Variants in KAT6B observed in about 807,000 individuals in gnomAD.
KAT6B encodes the protein histone acetyltransferase KAT6B.
In KAT6B, 10 loss-of-function variants were observed where a neutral mutation model predicts 187.5. The ratio of observed to expected loss-of-function variants is 0.05; its 90% confidence interval spans 0.03 to 0.09. The LOEUF is 0.09. Among genes scored for constraint, KAT6B ranks in the 10% least tolerant of loss-of-function variants. The pLI is 1.00. For synonymous variants in KAT6B, 861 were observed against 926.8 expected, an observed-to-expected ratio of 0.93 and a Z score of 1.29; for missense variants, 1,952 against 2,558.9, an observed-to-expected ratio of 0.76 and a Z score of 5.12.
chr10:74,900,474 GA>G (rs1416938351), intron 3 of KAT6B, among the ~76,000 whole-genome samples: 3 of 152,268 alleles, frequency 2.0e-5, no homozygotes, highest in African/African-American at 7.2e-5. Context: ...TTGGGGGTGG[GA>G]AAATGGCTGC....
At chr10:74,841,533 C>T (rs1353327779) in intron 2 of KAT6B, among the ~76,000 whole-genome samples, 1 of 151,846 alleles carries the variant, frequency 6.6e-6, no homozygotes, top group African/African-American at 2.4e-5. Flanking sequence ...CTATTGCACT[C>T]CAGCCTGGGT....
At chr10:74,935,824 G>A (rs1317888833) in intron 3 of KAT6B, among the ~76,000 whole-genome samples, 1 of 152,204 alleles carries the variant, frequency 6.6e-6, no homozygotes, top group Admixed American at 6.5e-5. Flanking sequence ...ATTAGGGTGA[G>A]AGATTTTCCT....
At chr10:75,013,099 G>C (rs1206988230) in intron 13 of KAT6B, among the ~76,000 whole-genome samples, 1 of 152,140 alleles carries the variant, frequency 6.6e-6, no homozygotes, top group East Asian at 1.9e-4. Context: ...TCCATGCTCA[G>C]GGTTTCACTG....
At chr10:74,878,577 G>A (rs1417983361) in intron 3 of KAT6B, among the ~76,000 whole-genome samples, 1 of 146,578 alleles carries the variant, frequency 6.8e-6, no homozygotes, top group African/African-American at 2.6e-5. Context: ...CCAAGATGGT[G>A]CCGCTGCACT....
intron 3 of KAT6B, among the ~76,000 whole-genome samples, chr10:74,849,775 G>A (rs1016109696): frequency 2.6e-5 from 4 of 152,162 alleles, no homozygotes; most frequent in Admixed American, 1.3e-4. Flanking sequence ...TGCAAGGGAG[G>A]TAGATTATTA....
chr10:75,005,041 AT>A (rs1844110390), intron 13 of KAT6B, among the ~76,000 whole-genome samples: 1 of 151,902 alleles, frequency 6.6e-6, no homozygotes, highest in Admixed American at 6.6e-5. Context: ...ATCAAGAAAG[AT>A]TTTGCTCTGC....
In KAT6B at chr10:74,910,230, G is replaced by A. The variant is rs1003414308; in HGVS notation, c.622-49740G>A. ...GGAGAGTCGCTTGAACCCAGGAGGCGGAGGTTGCGGTGAGCCAAGATCGTG... is the reference window on the plus strand; with the variant it reads ...GGAGAGTCGCTTGAACCCAGGAGGCAGAGGTTGCGGTGAGCCAAGATCGTG... On this transcript the variant is annotated intron_variant, in intron 3 of 17. Coordinates refer to ENST00000287239, the MANE Select transcript of KAT6B (RefSeq NM_012330.4). Among the ~76,000 whole-genome samples the A allele has an allele frequency of 9.9e-5, 15 of 152,206 alleles. 1 individual carries two copies. The highest frequency in any genetic ancestry group is 6.8e-3 in the Middle Eastern group (2 of 294).
At chr10:74,858,022 CTTAA>C (rs1236467535) in intron 3 of KAT6B, among the ~76,000 whole-genome samples, 1 of 150,906 alleles carries the variant, frequency 6.6e-6, no homozygotes, top group Non-Finnish European at 1.5e-5. Flanking sequence ...GACTCTATTT[CTTAA>C]TTAAAAAAAA....
At chr10:75,026,599 G>A (rs541803776) in intron 17 of KAT6B, among the ~76,000 whole-genome samples, 3 of 151,452 alleles carry the variant, frequency 2.0e-5, no homozygotes, top group African/African-American at 7.3e-5. Context: ...CTTACCCTGG[G>A]TATAGAGAAA....
At chr10:74,958,154 TGTTGTCCCAAGGAACTAAGGCATTTGTTG>T (rs539594736) in intron 3 of KAT6B, among the ~76,000 whole-genome samples, 45 of 152,342 alleles carry the variant, frequency 3.0e-4, no homozygotes, top group Middle Eastern at 3.4e-3. Context: ...TTTGATGACA[TGTTGTCCCAAGGAACTAAGGCATTTGTTG>T]GAATCATTAT....
At chr10:74,926,871 AC>A (rs953062188) in intron 3 of KAT6B, among the ~76,000 whole-genome samples, 37 of 152,246 alleles carry the variant, frequency 2.4e-4, no homozygotes, top group African/African-American at 8.4e-4. Flanking sequence ...TGAAGGAGTG[AC>A]CTCCAATCAA....
intron 1 of KAT6B, among the ~76,000 whole-genome samples, chr10:74,830,750 A>ATATATATATATATATGTG (rs1554912264): frequency 4.8e-5 from 1 of 20,738 alleles, no homozygotes; most frequent in South Asian, 2.0e-3. Flanking sequence ...ATATATATAT[A>ATATATATATATATATGTG]TATATATATA....
At chr10:74,946,540 C>T (rs1405262088) in intron 3 of KAT6B, among the ~76,000 whole-genome samples, 1 of 152,114 alleles carries the variant, frequency 6.6e-6, no homozygotes, top group Non-Finnish European at 1.5e-5. Flanking sequence ...TAAAATACTA[C>T]TCAGTGATAA....
intron 13 of KAT6B, among the ~76,000 whole-genome samples, chr10:74,997,430 A>T (rs535759999): frequency 6.6e-6 from 1 of 152,168 alleles, no homozygotes; most frequent in Admixed American, 6.5e-5. Flanking sequence ...CCTCACGGCA[A>T]CAGTTGAGAT....
rs554854103 is a variant in KAT6B at position 74,874,102 on chromosome 10, C to T, written c.621+30624C>T. ...GGGTAAGTAATGTTTCATGAAACTT[C>T]TATTTTAGTTTAATATTCACATATG... On this transcript the variant is annotated intron_variant, in intron 3 of 17. Transcript: ENST00000287239. Among the ~76,000 whole-genome samples, 113 of 151,800 alleles carry T rather than the reference C, an allele frequency of 7.4e-4. 2 individuals are homozygous for T. The highest frequency in any genetic ancestry group is 1.5e-3 in the Admixed American group (23 of 15,242).
chr10:74,977,379 A>C lies in KAT6B; in HGVS notation c.2057A>C (p.Asp686Ala). ...GATGTAAATGTGATTGGAAACAAGG[A>C]TGTCGTTACTGAAGAGGATTTGGAT... Reference protein sequence around the residue: ...SADVNVIGNKDVVTEEDLDVF... With the variant: ...SADVNVIGNKAVVTEEDLDVF... The change falls in exon 9 of 18, where the codon GAT becomes GCT. Residue 686 changes from aspartate (D) to alanine (A), a missense_variant. By Grantham distance (126) the Asp-to-Ala change is moderately radical. This residue lies in a region of KAT6B where 417 missense variants were observed against 508.9 expected (regional missense o/e 0.82). Coordinates refer to ENST00000287239, the MANE Select transcript of KAT6B (RefSeq NM_012330.4). 1 of 1,613,952 alleles carries C rather than the reference A, an allele frequency of 6.2e-7. No individual in the cohort carries two copies. Among genetic ancestry groups the C allele is most frequent in the Non-Finnish European group, 8.5e-7 (1 of 1,179,864 alleles).
intron 3 of KAT6B, among the ~76,000 whole-genome samples, chr10:74,925,322 G>A (rs1355641918): frequency 2.0e-5 from 3 of 152,134 alleles, no homozygotes; most frequent in African/African-American, 7.2e-5. Flanking sequence ...GATTACAGGC[G>A]TGAGCCACTG....
In KAT6B at chr10:74,826,691, G is replaced by A. The variant is rs1489500565; in HGVS notation, c.-423G>A. 1.3e-5 allele frequency: 2 copies of A among 153,674 alleles called. No individual in the cohort carries two copies. The highest frequency in any genetic ancestry group is 2.9e-5 in the Non-Finnish European group (2 of 68,264). 9.5% of individuals were successfully genotyped at this position (153,674 alleles called of 1,614,324 possible). On this transcript the variant is annotated 5_prime_UTR_variant, in exon 1 of 18. An upstream open reading frame in the 5' UTR gains an earlier in-frame stop. Coordinates refer to ENST00000287239, the MANE Select transcript of KAT6B (RefSeq NM_012330.4). ...TACCCCTGGCGGCGGCGGCAGCGGT[G>A]GCGGAGGCGACGGCACCTCCTCCAG...
Position 75,029,600 on chromosome 10 carries a change from A to G in KAT6B, c.4776A>G (p.Gln1592=), listed in dbSNP as rs148492740. The stretch of plus-strand genomic sequence containing the variant: ...TTGCCACCACGCTCGACGATTGCCA[A>G]CAGTCGGACCACAGTAGCCCAGTTT... ...PQIATTLDDC[Q]QSDHSSPVSS... Residue 1592 remains glutamine (Q), a synonymous_variant, in exon 18 of 18, where the codon CAA becomes CAG. Transcript: ENST00000287239. The surrounding 1 kb of genome is among the most constrained non-coding windows in gnomAD (Gnocchi z 6.2). The G allele has an allele frequency of 1.9e-5, 31 of 1,614,020 alleles. No homozygotes were observed. The Admixed American group carries it at 3.3e-4, about 17-fold the overall frequency.
Sources: allele counts gnomAD v4.1 joint callset (sites outside exome capture counted in the v4.1 genomes callset), GRCh38; gene constraint gnomAD v4.1.1; regional missense constraint gnomAD v4.1.1; non-coding constraint Gnocchi (gnomAD v3.1); transcripts MANE v1.5; gene names NCBI Gene and HGNC (gene_info 2026-07-23, HGNC 2026-07-21).